The following GREP1 variants were observed in gnomAD, a reference collection of about 807,000 sequenced individuals.
The protein encoded by GREP1 is glycine rich extracellular protein 1, also known as glycine-rich extracellular protein 1.
chr16:2,989,652 G>A lies in GREP1; in HGVS notation c.130+100G>A, dbSNP rs2072388705. ...GAAAGCTGGGCGGGGGGCAGGTAAAGGGGGAAGCAGTCGTCTCAGAAATAC... is the reference window on the plus strand; with the variant it reads ...GAAAGCTGGGCGGGGGGCAGGTAAAAGGGGAAGCAGTCGTCTCAGAAATAC... On this transcript the variant is annotated intron_variant, in intron 3 of 34. Coordinates refer to ENST00000573315, the Ensembl canonical transcript of GREP1. The surrounding 1 kb of genome is among the most constrained non-coding windows in gnomAD (Gnocchi z 4.2). 1 of 399,300 alleles carries A rather than the reference G, an allele frequency of 2.5e-6. No individual in the cohort carries two copies. Among genetic ancestry groups the A allele is most frequent in the Non-Finnish European group, 4.4e-6 (1 of 226,398 alleles). 24.7% of individuals were successfully genotyped at this position (399,300 alleles called of 1,614,324 possible).
chr16:2,997,492 G>A, intron 22 of GREP1: 1 of 398,736 alleles, frequency 2.5e-6, no homozygotes, highest in Non-Finnish European at 4.4e-6. Flanking sequence ...CCCTGACCCT[G>A]TACTGAGGGT....
At chr16:2,997,305 T>C (rs978548673) in intron 21 of GREP1, 5 of 398,470 alleles carry the variant, frequency 1.3e-5, no homozygotes, top group Non-Finnish European at 1.8e-5. Flanking sequence ...GTTTCTGACT[T>C]GGCTCTGAAA....
At chr16:2,994,634 C>CCCGA (rs2072415254) in intron 10 of GREP1, 64 bp from the exon 12 acceptor site, 2 of 398,888 alleles carry the variant, frequency 5.0e-6, no homozygotes, top group East Asian at 7.1e-5. Context: ...GACACCCCTG[C>CCCGA]CCGAGGTGGC....
At chr16:2,996,416 C>T (rs1041492420) in intron 18 of GREP1, 80 bp from the exon 18 acceptor site, 23 of 398,478 alleles carry the variant, frequency 5.8e-5, no homozygotes, top group Middle Eastern at 1.2e-3. Context: ...CCTGGGCCCC[C>T]GCCCTGTCTC....
rs2072456632 is a variant in GREP1 at position 3,000,701 on chromosome 16, C to G, written c.1418-13C>G. 2.5e-6 allele frequency: 1 copy of G among 398,848 alleles called. No homozygotes were observed. Among genetic ancestry groups the G allele is most frequent in the African/African-American group, 2.1e-5 (1 of 48,634 alleles). 24.7% of individuals were successfully genotyped at this position (398,848 alleles called of 1,614,324 possible). Reference sequence around the variant, plus strand: ...GTGGGCAAGGGTACCCCTGCCAGCTCTCCTCCCCACAGGGCAGGCCGGGGT... The same window carrying G: ...GTGGGCAAGGGTACCCCTGCCAGCTGTCCTCCCCACAGGGCAGGCCGGGGT... On this transcript the variant is annotated splice_polypyrimidine_tract_variant and intron_variant, in intron 32 of 34. Coordinates refer to ENST00000573315, the Ensembl canonical transcript of GREP1.
At chr16:2,995,025 C>T (rs28607166) in intron 13 of GREP1, 63 bp downstream of exon 14, 9 of 398,876 alleles carry the variant, frequency 2.3e-5, no homozygotes, top group East Asian at 1.4e-4. Context: ...CTCCCAGGGG[C>T]GGGATTGGTG....
rs1486425915 is a variant in GREP1 at position 3,001,122 on chromosome 16, T to TCTGTCCCTCTAGTTCTCCAC, written c.1532-159_1532-158insCTGTCCCTCTAGTTCTCCAC. Among the ~76,000 whole-genome samples, 79 of 151,966 alleles carry TCTGTCCCTCTAGTTCTCCAC rather than the reference T, an allele frequency of 5.2e-4. No individual in the cohort carries two copies. The South Asian group carries it at 6.0e-3, about 12-fold the overall frequency. ...GGGCCATCACGGACTCAGTTCTCCA[T>TCTGTCCCTCTAGTTCTCCAC]ACTCTGTCCCTCTCCCCCCGGTCCT... is the stretch of plus-strand genomic sequence containing the variant. On this transcript the variant is annotated intron_variant, in intron 33 of 34. Transcript: ENST00000573315.
At chr16:2,998,564 G>A (rs1399705780) in intron 25 of GREP1, 41 bp downstream of exon 23, 2 of 399,040 alleles carry the variant, frequency 5.0e-6, no homozygotes, top group Non-Finnish European at 4.4e-6. Context: ...CAGGAGGAAG[G>A]GAGAGGGAGG....
chr16:3,001,700 C>T (rs1596463943), exon 35 of GREP1: 4 of 398,824 alleles, frequency 1.0e-5, no homozygotes, highest in East Asian at 7.1e-5. Flanking sequence ...TGCTTCCCTG[C>T]TTGCCTCCGC....
chr16:2,990,906 C>T (rs1056515827), intron 7 of GREP1, 142 bp from the exon 7 acceptor site: 7 of 398,148 alleles, frequency 1.8e-5, no homozygotes, highest in Non-Finnish European at 3.1e-5. Flanking sequence ...TCTTCCCAGG[C>T]TTTGGAGGGG....
intron 10 of GREP1, 61 bp from the exon 12 acceptor site, chr16:2,994,637 G>A (rs972050063): frequency 3.0e-5 from 12 of 398,906 alleles, no homozygotes; most frequent in South Asian, 1.3e-4. Flanking sequence ...ACCCCTGCCC[G>A]AGGTGGCTGG....
Position 2,989,743 on chromosome 16 carries a change from C to A in GREP1, c.130+191C>A, listed in dbSNP as rs1322001164. Among the ~76,000 whole-genome samples, 1 of 151,246 alleles carries A rather than the reference C, an allele frequency of 6.6e-6. No individual in the cohort carries two copies. Among genetic ancestry groups the A allele is most frequent in the Non-Finnish European group, 1.5e-5 (1 of 67,840 alleles). On this transcript the variant is annotated intron_variant, in intron 3 of 34. Coordinates refer to ENST00000573315, the Ensembl canonical transcript of GREP1. The surrounding 1 kb of genome is among the most constrained non-coding windows in gnomAD (Gnocchi z 4.2). Reference sequence around the variant, plus strand: ...CTGGCTGGGGAGAGGGGAAGGCAGGCAGGAAGAAATGGAGCGGGGAGGGAA... The same window carrying A: ...CTGGCTGGGGAGAGGGGAAGGCAGGAAGGAAGAAATGGAGCGGGGAGGGAA...
Position 2,992,472 on chromosome 16 carries a change from G to C in GREP1, c.323-333G>C. The C allele has an allele frequency of 4.8e-6, 1 of 206,906 alleles. No homozygotes were observed. Among genetic ancestry groups the C allele is most frequent in the Non-Finnish European group, 9.6e-6 (1 of 104,470 alleles). The allele number at this position is 206,906 out of a possible 1,614,324, so 12.8% of individuals were successfully genotyped here. A position where few individuals can be genotyped will look rare whatever the true frequency, so the allele number is the denominator to read the frequency against. ...CGAAGGGGCTGGGGTGGCTGGGGGA[G>C]AGGTCAGGGGCCCAGGGCCACACTC... On this transcript the variant is annotated intron_variant, in intron 8 of 34. Transcript: ENST00000573315. The surrounding 1 kb of genome is among the most constrained non-coding windows in gnomAD (Gnocchi z 4.9).
At chr16:2,990,295 ACCT>A (rs1324591426) in intron 5 of GREP1, 173 bp downstream of exon 5, 1 of 397,348 alleles carries the variant, frequency 2.5e-6, no homozygotes, top group East Asian at 3.6e-5. Context: ...GGGACCCCAA[ACCT>A]CCTCAGCTCA....
chr16:2,992,744 C>A lies in GREP1; in HGVS notation c.323-61C>A, dbSNP rs917562859. 1 of 398,974 alleles carries A rather than the reference C, an allele frequency of 2.5e-6. No individual in the cohort carries two copies. Among genetic ancestry groups the A allele is most frequent in the African/African-American group, 2.1e-5 (1 of 48,634 alleles). 24.7% of individuals were successfully genotyped at this position (398,974 alleles called of 1,614,324 possible). A position where few individuals can be genotyped will look rare whatever the true frequency, so the allele number is the denominator to read the frequency against. On this transcript the variant is annotated intron_variant, in intron 8 of 34. Coordinates refer to ENST00000573315, the Ensembl canonical transcript of GREP1. This position sits in a 1 kb window ranked among gnomAD's most constrained non-coding sequence, Gnocchi z 4.9. The stretch of plus-strand genomic sequence containing the variant: ...AGACAGAAAGGGAGAGGGCAGGGCT[C>A]CAGGCCCCAGCTCATCCCCACTGCA...
intron 22 of GREP1, chr16:2,997,426 G>A (rs2072431319): frequency 2.5e-6 from 1 of 398,866 alleles, no homozygotes; most frequent in African/African-American, 2.1e-5. Flanking sequence ...CAGGTACTGG[G>A]GGGCTGGAGT....
In GREP1 at chr16:2,995,668, T is replaced by G. The variant is rs1349345259; in HGVS notation, c.589+14T>G. The G allele has an allele frequency of 5.0e-6, 2 of 397,878 alleles. No homozygotes were observed. Among genetic ancestry groups the G allele is most frequent in the Admixed American group, 8.8e-5 (2 of 22,666 alleles). 24.6% of individuals were successfully genotyped at this position (397,878 alleles called of 1,614,324 possible). A position where few individuals can be genotyped will look rare whatever the true frequency, so the allele number is the denominator to read the frequency against. On this transcript the variant is annotated intron_variant, in intron 16 of 34. Coordinates refer to ENST00000573315, the Ensembl canonical transcript of GREP1. ...GATTTGGAGCAGGTAGGAGCAGGGGTGGGGAGGGGCTGGGGGAGAATGTGG... is the reference window on the plus strand; with the variant it reads ...GATTTGGAGCAGGTAGGAGCAGGGGGGGGGAGGGGCTGGGGGAGAATGTGG...
At chr16:3,000,886 G>A (rs943376482) in intron 33 of GREP1, 59 bp downstream of exon 27, 15 of 398,444 alleles carry the variant, frequency 3.8e-5, no homozygotes, top group Non-Finnish European at 5.7e-5. Context: ...AGGGAACTGG[G>A]CCCTGGGCCC....
intron 34 of GREP1, 65 bp from the exon 29 acceptor site, chr16:3,001,496 G>A (rs1379084710): frequency 2.5e-6 from 1 of 398,992 alleles, no homozygotes; most frequent in African/African-American, 2.1e-5. Context: ...TCCCTGGGAG[G>A]GGAGGAGGGG....
Sources: gnomAD v4.1 joint callset for allele counts (sites outside exome capture counted in the v4.1 genomes callset) on GRCh38, gnomAD v4.1.1 for gene constraint, Gnocchi (gnomAD v3.1) non-coding constraint, MANE v1.5 for transcripts, NCBI Gene and HGNC (gene_info 2026-07-23, HGNC 2026-07-21) for gene names.